Variants in GPATCH2 observed in about 807,000 individuals in gnomAD.
GPATCH2 encodes G patch domain-containing protein 2.
In GPATCH2, 51 loss-of-function variants were observed where a neutral mutation model predicts 58.0. The observed-to-expected ratio is 0.88, with a 90% CI of 0.70 to 1.11. The LOEUF (loss-of-function observed/expected upper bound fraction) is 1.11, where lower values mean the gene tolerates loss of function less well. Ranked by LOEUF, GPATCH2 falls within the 50% of genes most tolerant of loss-of-function variation. GPATCH2 has a pLI of 0.00. For synonymous variants in GPATCH2, 222 were observed against 218.5 expected (o/e 1.02, Z -0.14); for missense variants, 625 against 652.2 (o/e 0.96, Z 0.45).
Position 217,630,919 on chromosome 1 carries a change from C to A in GPATCH2, c.53G>T (p.Ser18Ile). The change falls in exon 1 of 10, where the codon AGC (serine) becomes ATC (isoleucine). Residue 18 changes from serine (S) to isoleucine (I), a missense_variant. Physicochemically the swap from Ser to Ile is moderately radical, Grantham distance 142. Coordinates refer to ENST00000366935, the MANE Select transcript of GPATCH2 (RefSeq NM_018040.5). Reference sequence around the variant, plus strand: ...TCCCCAGGGCCGCCAGCCTCACCAGCTGTTCCCGGCTGCTGGAGCTCCGAT... The same window carrying A: ...TCCCCAGGGCCGCCAGCCTCACCAGATGTTCCCGGCTGCTGGAGCTCCGAT... ...QPIGAPAAGN[S>I]WHFSRTMEEL... The A allele has an allele frequency of 6.3e-7, 1 of 1,588,130 alleles. No individual in the cohort carries two copies.
chr1:217,610,971 C>T lies in GPATCH2; in HGVS notation c.936G>A (p.Glu312=). The change falls in exon 4 of 10, where the codon GAG becomes GAA. Residue 312 remains glutamate, a synonymous_variant. Transcript: ENST00000366935. ...CAGGATCTGGTACATTTTTGTCTAG[C>T]TCAGTAGGATCTTCCTTTTCCCACC... is the stretch of plus-strand genomic sequence containing the variant. ...VPWWEKEDPT[E]LDKNVPDPVF... The T allele has an allele frequency of 6.2e-7, 1 of 1,613,336 alleles. No individual in the cohort carries two copies. The highest frequency in any genetic ancestry group is 8.5e-7 in the Non-Finnish European group (1 of 1,179,546).
intron 8 of GPATCH2, among the ~76,000 whole-genome samples, chr1:217,484,660 CT>C (rs1661375365): frequency 6.7e-6 from 1 of 148,912 alleles, no homozygotes; most frequent in South Asian, 2.1e-4. Flanking sequence ...CACACATATA[CT>C]TATATATACA....
intron 5 of GPATCH2, among the ~76,000 whole-genome samples, chr1:217,524,746 A>G (rs569453804): frequency 6.7e-6 from 1 of 149,436 alleles, no homozygotes; most frequent in Non-Finnish European, 1.5e-5. Flanking sequence ...CTGCAATTGC[A>G]GGCACTCGGC....
intron 8 of GPATCH2, among the ~76,000 whole-genome samples, chr1:217,485,150 A>G (rs1197506936): frequency 6.6e-6 from 1 of 152,184 alleles, no homozygotes; most frequent in Non-Finnish European, 1.5e-5. Context: ...TGTGGGCCCA[A>G]GAAACAGGAG....
At chr1:217,578,771 G>A (rs984573448) in intron 5 of GPATCH2, among the ~76,000 whole-genome samples, 3 of 152,142 alleles carry the variant, frequency 2.0e-5, no homozygotes, top group African/African-American at 7.2e-5. Context: ...GGCATATCAT[G>A]ACAGATATAT....
chr1:217,569,383 A>G (rs1330960798), intron 5 of GPATCH2, among the ~76,000 whole-genome samples: 4 of 152,108 alleles, frequency 2.6e-5, no homozygotes, highest in African/African-American at 9.7e-5. Context: ...TTATGAAGCA[A>G]GTATTTAAGG....
chr1:217,574,361 A>C (rs543998771), intron 5 of GPATCH2, among the ~76,000 whole-genome samples: 30 of 152,266 alleles, frequency 2.0e-4, no homozygotes, highest in Middle Eastern at 6.8e-3. Context: ...AAAACTACCC[A>C]AAAGAGGCCT....
chr1:217,481,626 G>A (rs1231470659), intron 8 of GPATCH2, among the ~76,000 whole-genome samples: 2 of 152,158 alleles, frequency 1.3e-5, no homozygotes, highest in East Asian at 3.9e-4. Context: ...GGGAGGCTGA[G>A]GTAAGAAGAT....
At chr1:217,526,386 T>A (rs1175643969) in intron 5 of GPATCH2, among the ~76,000 whole-genome samples, 1 of 152,116 alleles carries the variant, frequency 6.6e-6, no homozygotes, top group African/African-American at 2.4e-5. Context: ...CACTAAAAAT[T>A]TCCATAGCTA....
intron 5 of GPATCH2, among the ~76,000 whole-genome samples, chr1:217,523,147 T>C: frequency 6.6e-6 from 1 of 151,696 alleles, no homozygotes; most frequent in East Asian, 1.9e-4. Flanking sequence ...GTATTCATAA[T>C]AGAGAAGAAA....
Position 217,610,330 on chromosome 1 carries a change from T to TG in GPATCH2, c.1088dup (p.Thr364AsnfsTer12), listed in dbSNP as rs1241844936. The TG allele has an allele frequency of 6.3e-7, 1 of 1,585,636 alleles. No individual in the cohort carries two copies. Among genetic ancestry groups the TG allele is most frequent in the African/African-American group, 1.3e-5 (1 of 74,300 alleles). ...GAAAAAGTATGCCTACCATTGAAGTTGGAGTCCCTCCAGATTTTTTAATAT... is the reference window on the plus strand; with the variant it reads ...GAAAAAGTATGCCTACCATTGAAGTTGGGAGTCCCTCCAGATTTTTTAATAT... On this transcript the variant is annotated frameshift_variant, in exon 5 of 10. Transcript: ENST00000366935. LOFTEE classifies it high-confidence loss of function.
chr1:217,582,108 T>A (rs921761687), intron 5 of GPATCH2, among the ~76,000 whole-genome samples: 5 of 152,274 alleles, frequency 3.3e-5, no homozygotes, highest in African/African-American at 9.6e-5. Context: ...CTAGCCTGAA[T>A]TGGGTTGGGA....
chr1:217,518,734 A>G (rs1379464549), intron 5 of GPATCH2, among the ~76,000 whole-genome samples: 2 of 152,238 alleles, frequency 1.3e-5, no homozygotes, highest in Non-Finnish European at 2.9e-5. Flanking sequence ...ACAAGAAACC[A>G]TCATCCTTTC....
chr1:217,540,684 T>C (rs765344740), intron 5 of GPATCH2, among the ~76,000 whole-genome samples: 1 of 152,202 alleles, frequency 6.6e-6, no homozygotes, highest in Non-Finnish European at 1.5e-5. Flanking sequence ...GTACCTACTA[T>C]TCAAGATAAG....
chr1:217,470,007 C>T (rs1660647442), intron 8 of GPATCH2, among the ~76,000 whole-genome samples: 1 of 152,064 alleles, frequency 6.6e-6, no homozygotes, highest in Non-Finnish European at 1.5e-5. Context: ...CCAAATGTAC[C>T]CATAATGAAG....
intron 1 of GPATCH2, among the ~76,000 whole-genome samples, chr1:217,629,329 A>C (rs138209340): frequency 3.3e-5 from 5 of 152,308 alleles, no homozygotes; most frequent in Non-Finnish European, 7.4e-5. Context: ...TCATTCAAAA[A>C]TACTAAGTGC....
At chr1:217,442,859 T>G (rs988531369) in intron 9 of GPATCH2, among the ~76,000 whole-genome samples, 1 of 152,172 alleles carries the variant, frequency 6.6e-6, no homozygotes, top group African/African-American at 2.4e-5. Flanking sequence ...ATACCTAGAT[T>G]TATTTTTACT....
chr1:217,480,787 G>A (rs576676500), intron 8 of GPATCH2, among the ~76,000 whole-genome samples: 1 of 152,244 alleles, frequency 6.6e-6, no homozygotes, highest in South Asian at 2.1e-4. Flanking sequence ...TATACATAAT[G>A]GAGTAGTATT....
intron 5 of GPATCH2, among the ~76,000 whole-genome samples, chr1:217,545,578 A>C (rs879588682): frequency 2.0e-5 from 3 of 152,192 alleles, no homozygotes; most frequent in Non-Finnish European, 2.9e-5. Context: ...AAACACTTTA[A>C]CAGTAATTTG....
Sources: gnomAD v4.1 joint callset for allele counts (sites outside exome capture counted in the v4.1 genomes callset) on GRCh38, gnomAD v4.1.1 for gene constraint, MANE v1.5 for transcripts, NCBI Gene and HGNC (gene_info 2026-07-23, HGNC 2026-07-21) for gene names.